Variants in HDGFL3 observed in about 807,000 individuals in gnomAD.
HDGFL3 encodes HDGF like 3, also known as hepatoma-derived growth factor-related protein 3.
HDGFL3 carries 6 observed loss-of-function variants against 27.6 expected under a neutral mutation model. The observed-to-expected ratio is 0.22, with a 90% CI of 0.12 to 0.43. The LOEUF (loss-of-function observed/expected upper bound fraction) is 0.43. Among genes scored for constraint, HDGFL3 ranks in the 20% least tolerant of loss-of-function variants. The probability of loss-of-function intolerance (pLI) is 1.00; values close to 1 mark genes in which losing one functional copy is unlikely to be tolerated. For synonymous variants in HDGFL3, 88 were observed against 88.9 expected, an observed-to-expected ratio of 0.99 and a Z score of 0.05; for missense variants, 207 against 250.1, an observed-to-expected ratio of 0.83 and a Z score of 1.16.
At chr15:83,152,103 T>C (rs1220241929) in intron 4 of HDGFL3, among the ~76,000 whole-genome samples, 1 of 152,250 alleles carries the variant, frequency 6.6e-6, no homozygotes, top group Non-Finnish European at 1.5e-5. Flanking sequence ...ATAGTGTTTT[T>C]CTACACTTCC....
At chr15:83,149,506 C>T (rs76219519) in intron 5 of HDGFL3, among the ~76,000 whole-genome samples, 3,048 of 152,212 alleles carry the variant, frequency 0.02, 99 homozygotes, top group African/African-American at 0.069. Context: ...GGAAGCAGAA[C>T]AGATTGGTAA....
intron 1 of HDGFL3, chr15:83,169,363 C>G (rs754571133): frequency 4.6e-6 from 1 of 215,606 alleles, no homozygotes; most frequent in East Asian, 1.8e-4. Flanking sequence ...TGCAGTGAGC[C>G]GAGATCGCGC....
chr15:83,184,618 T>C (rs1176528793), intron 1 of HDGFL3: 1 of 152,232 alleles, frequency 6.6e-6, no homozygotes, highest in Non-Finnish European at 1.5e-5. Context: ...TCCCATTCTT[T>C]ATGAATCTTT....
rs2037446959 is a variant in HDGFL3, at chr15:83,186,680, T to C, written c.84+20651A>G. On this transcript the variant is annotated intron_variant, in intron 1 of 5. Coordinates refer to ENST00000299633, the MANE Select transcript of HDGFL3 (RefSeq NM_016073.4). ...TTACTTATGAGTGAGAGCTAAACTA[T>C]GAGTACGCAAAGGCATACAGAGTGG... Among the ~76,000 whole-genome samples the C allele has an allele frequency of 2.0e-5, 3 of 151,738 alleles. No homozygotes were observed. The South Asian group carries it at 6.2e-4, about 31-fold the overall frequency.
chr15:83,200,122 T>C (rs1458633611), intron 1 of HDGFL3, among the ~76,000 whole-genome samples: 1 of 146,668 alleles, frequency 6.8e-6, no homozygotes, highest in Non-Finnish European at 1.5e-5. Context: ...GGCAGGCAGA[T>C]CACGAGGTCA....
At chr15:83,189,699 CTG>C (rs1192171600) in intron 1 of HDGFL3, among the ~76,000 whole-genome samples, 2 of 152,200 alleles carry the variant, frequency 1.3e-5, no homozygotes, top group African/African-American at 4.8e-5. Flanking sequence ...TTCTTGTTCA[CTG>C]TTAAATCCCT....
At chr15:83,141,266 G>A (rs931559180) in intron 5 of HDGFL3, among the ~76,000 whole-genome samples, 2 of 152,016 alleles carry the variant, frequency 1.3e-5, no homozygotes, top group Non-Finnish European at 2.9e-5. Flanking sequence ...GAATCCAATC[G>A]GATTCTCTCT....
chr15:83,181,755 C>T lies in HDGFL3; in HGVS notation c.85-17680G>A, dbSNP rs146108106. On this transcript the variant is annotated intron_variant, in intron 1 of 5. Coordinates refer to ENST00000299633, the MANE Select transcript of HDGFL3 (RefSeq NM_016073.4). ...CCTCCTGAAGTACTGGGATTACAGG[C>T]GTGAGCCACCATGCCTGGCCCTTAT... Among the ~76,000 whole-genome samples, 184 of 152,316 alleles carry T rather than the reference C, an allele frequency of 1.2e-3. 1 individual carries two copies. Among genetic ancestry groups the T allele is most frequent in the African/African-American group, 9.6e-4 (40 of 41,576 alleles).
chr15:83,124,563 T>C, downstream of HDGFL3: 2 of 792,420 alleles, frequency 2.5e-6, no homozygotes, highest in Admixed American at 2.2e-5. Context: ...TGATATAAAT[T>C]GTGCATCTTC....
At chr15:83,148,945 G>A (rs1379378923) in intron 5 of HDGFL3, among the ~76,000 whole-genome samples, 1 of 152,150 alleles carries the variant, frequency 6.6e-6, no homozygotes, top group Non-Finnish European at 1.5e-5. Flanking sequence ...TAGGAAGAGG[G>A]ACTGGAAAGA....
chr15:83,124,532 A>G (rs2035557935), downstream of HDGFL3: 7 of 625,544 alleles, frequency 1.1e-5, no homozygotes, highest in South Asian at 1.5e-4. Flanking sequence ...ATTTTCCTAA[A>G]GTTCCATGGC....
At position 83,187,158 on chromosome 15, in the gene HDGFL3, C is replaced by CT. The variant is rs201809112; in HGVS notation, c.84+20172dup. On this transcript the variant is annotated intron_variant, in intron 1 of 5. Transcript: ENST00000299633. ...ACAGAAGCTACTTTTCTTGGAAATT[C>CT]TTTTTTTTTTTTTTTAAACAGAGAC... Among the ~76,000 whole-genome samples the CT allele has an allele frequency of 5.6e-3, 740 of 130,980 alleles. 1 individual carries two copies. Among genetic ancestry groups the CT allele is most frequent in the African/African-American group, 8.6e-3 (292 of 34,142 alleles). 85.9% of individuals were successfully genotyped at this position (130,980 alleles called of 152,430 possible).
chr15:83,176,630 C>A (rs1479306515), intron 1 of HDGFL3, among the ~76,000 whole-genome samples: 3 of 152,118 alleles, frequency 2.0e-5, no homozygotes, highest in Non-Finnish European at 4.4e-5. Flanking sequence ...AATGCTTATT[C>A]TCAGTCCAAA....
Position 83,137,791 on chromosome 15 carries a change from T to G in HDGFL3, c.*1479A>C, listed in dbSNP as rs995831696. The G allele has an allele frequency of 6.6e-6, 1 of 152,054 alleles. No individual in the cohort carries two copies. Among genetic ancestry groups the G allele is most frequent in the Non-Finnish European group, 1.5e-5 (1 of 67,998 alleles). 9.4% of individuals were successfully genotyped at this position (152,054 alleles called of 1,614,324 possible). On this transcript the variant is annotated 3_prime_UTR_variant, in exon 6 of 6. Transcript: ENST00000299633. Reference sequence around the variant, plus strand: ...ATCATCATTATTAACGGCCCTAGGCTTTTAGGTCTGCTCACATTTTCTCAT... The same window carrying G: ...ATCATCATTATTAACGGCCCTAGGCGTTTAGGTCTGCTCACATTTTCTCAT...
chr15:83,126,777 A>G (rs766041583), downstream of HDGFL3: 2 of 1,613,636 alleles, frequency 1.2e-6, no homozygotes, highest in South Asian at 2.2e-5. Context: ...TGCCCATCTG[A>G]GCTCTGCCGA....
At chr15:83,204,740 G>A (rs781651009) in intron 1 of HDGFL3, among the ~76,000 whole-genome samples, 4 of 152,230 alleles carry the variant, frequency 2.6e-5, no homozygotes, top group Non-Finnish European at 5.9e-5. Context: ...TAGATACTCT[G>A]TATTTGTGAG....
intron 3 of HDGFL3, chr15:83,119,518 C>A: frequency 6.5e-7 from 1 of 1,543,416 alleles, no homozygotes; most frequent in South Asian, 1.1e-5. Flanking sequence ...CAATACAGGT[C>A]TGATGTTCTG....
chr15:83,149,003 C>T (rs868717171), intron 5 of HDGFL3, among the ~76,000 whole-genome samples: 17 of 152,052 alleles, frequency 1.1e-4, no homozygotes, highest in African/African-American at 3.6e-4. Flanking sequence ...TTTTTAGGTT[C>T]GGTGGTAGGG....
rs187709333 is a variant in HDGFL3 at position 83,146,968 on chromosome 15, A to G, written c.606+4247T>C. Among the ~76,000 whole-genome samples, 5 of 152,266 alleles carry G rather than the reference A, an allele frequency of 3.3e-5. No homozygotes were observed. The East Asian group carries it at 7.7e-4, about 23-fold the overall frequency. On this transcript the variant is annotated intron_variant, in intron 5 of 5. Coordinates refer to ENST00000299633, the MANE Select transcript of HDGFL3 (RefSeq NM_016073.4). ...CTACAAGCTCTCACCCCAAGTATCT[A>G]CTTACCTGTATCCGTGCCCAAATAC...
Sources: gnomAD v4.1 joint callset for allele counts (sites outside exome capture counted in the v4.1 genomes callset) on GRCh38, gnomAD v4.1.1 for gene constraint, MANE v1.5 for transcripts, NCBI Gene and HGNC (gene_info 2026-07-23, HGNC 2026-07-21) for gene names.